THTPA: variants seen among roughly 807,000 people sequenced by gnomAD.
The protein encoded by THTPA is thiamine-triphosphatase.
In THTPA, 16 loss-of-function variants were observed where a neutral mutation model predicts 16.5. The ratio of observed to expected loss-of-function variants is 0.97; its 90% CI spans 0.66 to 1.47. The LOEUF (loss-of-function observed/expected upper bound fraction) is 1.47. Among genes scored for constraint, THTPA ranks in the 40% most tolerant of loss-of-function variants. The probability of loss-of-function intolerance (pLI) is 0.00; values close to 1 mark genes in which losing one functional copy is unlikely to be tolerated. For synonymous variants in THTPA, 110 were observed against 115.5 expected, an observed-to-expected ratio of 0.95 and a Z score of 0.30; for missense variants, 281 against 280.9, an observed-to-expected ratio of 1.00 and a Z score of 0.00.
At position 23,558,919 on chromosome 14, in the gene THTPA, A is replaced by C. The variant is rs1264126685; in HGVS notation, c.*79A>C. 6.4e-7 allele frequency: 1 copy of C among 1,556,508 alleles called. No homozygotes were observed. The highest frequency in any genetic ancestry group is 8.7e-7 in the Non-Finnish European group (1 of 1,142,906). ...CTGGGCCCACTGTGCCTCTCCCCTCAGTGTCCCTTCTGACAGTGACTCCTC... is the reference window on the plus strand; with the variant it reads ...CTGGGCCCACTGTGCCTCTCCCCTCCGTGTCCCTTCTGACAGTGACTCCTC... On this transcript the variant is annotated 3_prime_UTR_variant, in exon 2 of 2. Transcript: ENST00000288014.
chr14:23,517,932 C>T, the THTPA span, among the ~76,000 whole-genome samples: 48 of 152,330 alleles, frequency 3.2e-4, no homozygotes, highest in African/African-American at 1.0e-3. Flanking sequence ...CTTCCTCTTA[C>T]CGGTTACTTT....
the THTPA span, chr14:23,532,641 C>G: frequency 6.8e-7 from 1 of 1,472,444 alleles, no homozygotes; most frequent in Non-Finnish European, 9.0e-7. Context: ...CTGTTGGACT[C>G]AAAGTCACAG....
chr14:23,553,051 A>G (rs1272648569), upstream of THTPA, among the ~76,000 whole-genome samples: 1 of 152,224 alleles, frequency 6.6e-6, no homozygotes, highest in Non-Finnish European at 1.5e-5. Flanking sequence ...CTAAGGCACA[A>G]ACAAGTGAAT....
chr14:23,516,281 C>T, the THTPA span, among the ~76,000 whole-genome samples: 5 of 152,152 alleles, frequency 3.3e-5, no homozygotes, highest in African/African-American at 7.2e-5. Context: ...TTAGGATGGT[C>T]GATCCAATCA....
intron 1 of THTPA, among the ~76,000 whole-genome samples, chr14:23,558,260 T>G (rs1882758136): frequency 6.6e-6 from 1 of 152,234 alleles, no homozygotes; most frequent in Non-Finnish European, 1.5e-5. Context: ...ATAGCTTCCC[T>G]CCTCTTCTTT....
At chr14:23,555,222 C>A (rs1278767075), upstream of THTPA, among the ~76,000 whole-genome samples, 2 of 152,176 alleles carry the variant, frequency 1.3e-5, no homozygotes, top group Non-Finnish European at 2.9e-5. Flanking sequence ...TGGTCTCGAA[C>A]TCCTGACCTC....
intron 1 of THTPA, 50 bp from the exon 2 acceptor site, chr14:23,558,645 A>C: frequency 1.9e-6 from 3 of 1,611,058 alleles, no homozygotes; most frequent in Middle Eastern, 1.7e-4. Flanking sequence ...GCAGAGTCCA[A>C]GTGCTTGTGG....
At chr14:23,532,960 T>A in the THTPA span, 1 of 1,536,160 alleles carries the variant, frequency 6.5e-7, no homozygotes, top group Non-Finnish European at 8.7e-7. Context: ...CCTGGCACAC[T>A]AGGCAGCGGA....
Position 23,559,476 on chromosome 14 carries a change from A to G in THTPA, c.*636A>G, listed in dbSNP as rs1010724436. ...GCCCCCGTGTTGAGACAGGTTCTCA[A>G]GGCTCAGGGGAAGATGCATACCTCC... On this transcript the variant is annotated 3_prime_UTR_variant, in exon 2 of 2. Transcript: ENST00000288014. 1.7e-5 allele frequency: 7 copies of G among 418,172 alleles called. No individual in the cohort carries two copies. The highest frequency in any genetic ancestry group is 1.4e-4 in the African/African-American group (7 of 49,432). The allele number at this position is 418,172 out of a possible 1,614,324, so 25.9% of individuals were successfully genotyped here.
the THTPA span, among the ~76,000 whole-genome samples, chr14:23,540,094 C>A: frequency 1.3e-5 from 2 of 152,184 alleles, no homozygotes; most frequent in Non-Finnish European, 2.9e-5. Context: ...CTTAGGTGAT[C>A]CTCCCATCTC....
the THTPA span, chr14:23,525,719 C>G: frequency 6.6e-7 from 1 of 1,518,014 alleles, no homozygotes. The surrounding 1 kb of genome is among the most constrained non-coding windows in gnomAD (Gnocchi z 5.9). Flanking sequence ...CTCCCACTCC[C>G]GCTCAGCCAG....
Position 23,560,189 on chromosome 14 carries a change from T to C in THTPA, c.*1349T>C. On this transcript the variant is annotated 3_prime_UTR_variant, in exon 2 of 2. Transcript: ENST00000288014. ...CATCTCACACTGTCTCCCACCCACC[T>C]CCTCCACTTAGTGGCCTTTTCTCCT... 2 of 1,576,682 alleles carry C rather than the reference T, an allele frequency of 1.3e-6. No individual in the cohort carries two copies. The highest frequency in any genetic ancestry group is 1.7e-6 in the Non-Finnish European group (2 of 1,153,382).
chr14:23,529,631 C>G, the THTPA span: 1 of 1,332,642 alleles, frequency 7.5e-7, no homozygotes, highest in Non-Finnish European at 1.0e-6. Context: ...GACAAAATTA[C>G]GTCTGCCTTT....
chr14:23,542,927 G>A, the THTPA span: 1 of 152,046 alleles, frequency 6.6e-6, no homozygotes, highest in African/African-American at 2.4e-5. Flanking sequence ...GTAGAGACAG[G>A]GTTTCACCAT....
the THTPA span, chr14:23,534,262 G>C: frequency 6.5e-7 from 1 of 1,529,428 alleles, no homozygotes; most frequent in South Asian, 1.2e-5. This position sits in a 1 kb window ranked among gnomAD's most constrained non-coding sequence, Gnocchi z 4.5. Flanking sequence ...GGTTGGGCTG[G>C]GGTCCCAGGT....
At position 23,559,614 on chromosome 14, in the gene THTPA, A is replaced by C; in HGVS notation, c.*774A>C. 1 of 706,426 alleles carries C rather than the reference A, an allele frequency of 1.4e-6. No homozygotes were observed. The highest frequency in any genetic ancestry group is 2.5e-6 in the Non-Finnish European group (1 of 406,328). The allele number at this position is 706,426 out of a possible 1,614,324, so 43.8% of individuals were successfully genotyped here. On this transcript the variant is annotated 3_prime_UTR_variant, in exon 2 of 2. Transcript: ENST00000288014. Reference sequence around the variant, plus strand: ...TTTATTGGGCTTTATTTGTGGGAGAAGGGGGCTGGTCCCCAGTTTTTGCAG... The same window carrying C: ...TTTATTGGGCTTTATTTGTGGGAGACGGGGGCTGGTCCCCAGTTTTTGCAG...
the THTPA span, chr14:23,526,763 T>C: frequency 7.8e-6 from 12 of 1,530,356 alleles, no homozygotes; most frequent in Admixed American, 2.0e-4. Flanking sequence ...GCAGTTGACC[T>C]TGGCCTCAGT....
the THTPA span, chr14:23,544,283 G>GAAAAAA: frequency 1.4e-5 from 1 of 71,432 alleles, no homozygotes; most frequent in African/African-American, 4.8e-5. Flanking sequence ...ACAGAAAACA[G>GAAAAAA]AAAAAAAAAA....
chr14:23,556,498 T>G lies in THTPA; in HGVS notation c.-260T>G. 3 of 499,228 alleles carry G rather than the reference T, an allele frequency of 6.0e-6. No individual in the cohort carries two copies. The highest frequency in any genetic ancestry group is 1.1e-5 in the Non-Finnish European group (3 of 279,776). The allele number at this position is 499,228 out of a possible 1,614,324, so 30.9% of individuals were successfully genotyped here. On this transcript the variant is annotated 5_prime_UTR_variant, in exon 1 of 2. Coordinates refer to ENST00000288014, the MANE Select transcript of THTPA (RefSeq NM_024328.6). ...CCTGCTTTCTAGGGGTCTCTTTGGA[T>G]TGAGGACATCAGCAGCAGTGGAAGG...
Sources: allele counts gnomAD v4.1 joint callset (sites outside exome capture counted in the v4.1 genomes callset), GRCh38; gene constraint gnomAD v4.1.1; non-coding constraint Gnocchi (gnomAD v3.1); transcripts MANE v1.5; gene names NCBI Gene and HGNC (gene_info 2026-07-23, HGNC 2026-07-21).